The following GABBR1 variants were observed in gnomAD, a reference collection of about 807,000 sequenced individuals.
GABBR1 encodes gamma-aminobutyric acid type B receptor subunit 1.
Under a neutral mutation model 117.7 loss-of-function variants are expected in GABBR1, and 35 were observed. The ratio of observed to expected loss-of-function variants is 0.30; its 90% CI spans 0.23 to 0.39. The LOEUF is 0.39. Ranked by LOEUF, GABBR1 falls within the 10% of genes least tolerant of loss-of-function variation. The probability of loss-of-function intolerance (pLI) is 1.00; values close to 1 mark genes in which losing one functional copy is unlikely to be tolerated. For synonymous variants in GABBR1, 442 were observed against 486.6 expected (o/e 0.91, Z 1.21); for missense variants, 709 against 1,241.8 (o/e 0.57, Z 6.45).
chr6:29,605,861 T>C lies in GABBR1; in HGVS notation c.2312-165A>G, dbSNP rs1761897550. 5 of 738,516 alleles carry C rather than the reference T, an allele frequency of 6.8e-6. No homozygotes were observed. Among genetic ancestry groups the C allele is most frequent in the South Asian group, 3.7e-5 (2 of 53,618 alleles). 45.7% of individuals were successfully genotyped at this position (738,516 alleles called of 1,614,324 possible). ...ACCTCACCCTGTGTCCCCTATCCCT[T>C]ATGTCCACCCAACTTGCCCAGACCA... On this transcript the variant is annotated intron_variant, in intron 19 of 22. Transcript: ENST00000377034. The surrounding 1 kb of genome is among the most constrained non-coding windows in gnomAD (Gnocchi z 4.2).
chr6:29,623,306 G>A lies in GABBR1; in HGVS notation c.962C>T (p.Ser321Leu). The A allele has an allele frequency of 6.2e-7, 1 of 1,612,456 alleles. No homozygotes were observed. Residue 321 changes from serine (S) to leucine (L), a missense_variant and splice_region_variant, in exon 8 of 23, where the codon TCG becomes TTG. Physicochemically the swap from Ser to Leu is moderately radical, Grantham distance 145 (BLOSUM62 -2). This residue lies in a region of GABBR1 where 192 missense variants were observed against 418.4 expected (regional missense o/e 0.46). Coordinates refer to ENST00000377034, the MANE Select transcript of GABBR1 (RefSeq NM_001470.4). The surrounding 1 kb of genome is among the most constrained non-coding windows in gnomAD (Gnocchi z 6.2). ...TIQQTTEVFT[S>L]TLDDLEERVK... ...ACCCCTTGCCCAACCCCTCCTCACCGAAGTGAAGACCTCAGTGGTCTGCTG... is the reference window on the plus strand; with the variant it reads ...ACCCCTTGCCCAACCCCTCCTCACCAAAGTGAAGACCTCAGTGGTCTGCTG...
chr6:29,602,921 G>A lies in GABBR1; in HGVS notation c.*622C>T, dbSNP rs1367429237. On this transcript the variant is annotated 3_prime_UTR_variant, in exon 23 of 23. Transcript: ENST00000377034. ...GCGTGTGTACACATGAGCATGTTCA[G>A]TGGGCACACGCAGGAGAGGGGAGGA... The A allele has an allele frequency of 4.5e-6, 2 of 440,234 alleles. No individual in the cohort carries two copies. The highest frequency in any genetic ancestry group is 9.1e-6 in the Non-Finnish European group (2 of 219,926). 27.3% of individuals were successfully genotyped at this position (440,234 alleles called of 1,614,324 possible).
Position 29,606,894 on chromosome 6 carries a change from T to TAC in GABBR1, c.2217+1_2217+2dup, listed in dbSNP as rs1328340807. 1 of 1,612,130 alleles carries TAC rather than the reference T, an allele frequency of 6.2e-7. No individual in the cohort carries two copies. The highest frequency in any genetic ancestry group is 8.5e-7 in the Non-Finnish European group (1 of 1,178,178). On this transcript the variant is annotated splice_region_variant and intron_variant, in intron 18 of 22. Transcript: ENST00000377034. This position sits in a 1 kb window ranked among gnomAD's most constrained non-coding sequence, Gnocchi z 4.5. ...GACCATAGCACCTCCTCTCCAGTGGTACCTCAATGGTCCGGTGCAGAGGGT... is the reference window on the plus strand; with the variant it reads ...GACCATAGCACCTCCTCTCCAGTGGTACACCTCAATGGTCCGGTGCAGAGGGT...
chr6:29,603,202 T>C lies in GABBR1; in HGVS notation c.*341A>G. 1.9e-6 allele frequency: 1 copy of C among 514,386 alleles called. No individual in the cohort carries two copies. The highest frequency in any genetic ancestry group is 3.8e-6 in the Non-Finnish European group (1 of 264,228). The allele number at this position is 514,386 out of a possible 1,614,324, so 31.9% of individuals were successfully genotyped here. On this transcript the variant is annotated 3_prime_UTR_variant, in exon 23 of 23. Coordinates refer to ENST00000377034, the MANE Select transcript of GABBR1 (RefSeq NM_001470.4). Reference sequence around the variant, plus strand: ...GGCAGAGGAGCTGCAGGGGTTGCCGTGGTAACTAGAAGAGGGTGTTGCATG... The same window carrying C: ...GGCAGAGGAGCTGCAGGGGTTGCCGCGGTAACTAGAAGAGGGTGTTGCATG...
At chr6:29,608,878 A>G in intron 15 of GABBR1, 145 bp from the exon 16 acceptor site, 1 of 913,234 alleles carries the variant, frequency 1.1e-6, no homozygotes, top group South Asian at 1.7e-5. Flanking sequence ...AAGACAGTGG[A>G]GCCTTGAGAG....
intron 4 of GABBR1, 148 bp from the exon 5 acceptor site, chr6:29,629,255 T>C (rs1052591644): frequency 1.2e-6 from 1 of 861,336 alleles, no homozygotes; most frequent in African/African-American, 1.7e-5. Context: ...TGCCTGGGGA[T>C]AAGAACAAGG....
rs28359963 is a variant in GABBR1, at chr6:29,606,699, T to C, written c.2217+198A>G. The C allele has an allele frequency of 0.18, 114,215 of 630,332 alleles. 11,625 individuals carry two copies. Among genetic ancestry groups the C allele is most frequent in the Middle Eastern group, 0.34 (914 of 2,692 alleles). 39.0% of individuals were successfully genotyped at this position (630,332 alleles called of 1,614,324 possible). A position where few individuals can be genotyped will look rare whatever the true frequency, so the allele number is the denominator to read the frequency against. On this transcript the variant is annotated intron_variant, in intron 18 of 22. Transcript: ENST00000377034. This position sits in a 1 kb window ranked among gnomAD's most constrained non-coding sequence, Gnocchi z 4.5. ...GAAGTTCTACACACCCTTCCCAGAT[T>C]CCCACCCCTTCCTTTCTTCAGCTGA...
Position 29,627,956 on chromosome 6 carries a change from G to C in GABBR1, c.497-310C>G. The C allele has an allele frequency of 7.4e-7, 1 of 1,349,374 alleles. No homozygotes were observed. Among genetic ancestry groups the C allele is most frequent in the Non-Finnish European group, 9.4e-7 (1 of 1,059,892 alleles). 83.6% of individuals were successfully genotyped at this position (1,349,374 alleles called of 1,614,324 possible). On this transcript the variant is annotated intron_variant, in intron 5 of 22. Transcript: ENST00000377034. The surrounding 1 kb of genome is among the most constrained non-coding windows in gnomAD (Gnocchi z 4.4). ...GAAGCAGGGAAGGTTGGCTTCCTAC[G>C]GCCCCCGCGGCTCTCGCCACCGTCG... is the stretch of plus-strand genomic sequence containing the variant.
Position 29,623,920 on chromosome 6 carries a change from A to G in GABBR1, c.762T>C (p.Ala254=). 6.2e-7 allele frequency: 1 copy of G among 1,613,010 alleles called. No homozygotes were observed. Among genetic ancestry groups the G allele is most frequent in the Non-Finnish European group, 8.5e-7 (1 of 1,179,978 alleles). ...PGCSSVSTLV[A]EAARMWNLIV... is the part of the protein sequence containing the mutation. ...TGAGGTTCCACATCCTAGCAGCCTC[A>G]GCCACCAGCGTGGAGACAGAGCTGC... The change falls in exon 7 of 23, where the codon GCT becomes GCC. Residue 254 remains alanine, a synonymous_variant. Transcript: ENST00000377034. The surrounding 1 kb of genome is among the most constrained non-coding windows in gnomAD (Gnocchi z 6.2).
At position 29,622,421 on chromosome 6, in the gene GABBR1, C is replaced by G; in HGVS notation, c.964-216G>C. The G allele has an allele frequency of 1.7e-6, 1 of 572,778 alleles. No individual in the cohort carries two copies. Among genetic ancestry groups the G allele is most frequent in the Non-Finnish European group, 3.1e-6 (1 of 320,882 alleles). The allele number at this position is 572,778 out of a possible 1,614,324, so 35.5% of individuals were successfully genotyped here. A position where few individuals can be genotyped will look rare whatever the true frequency, so the allele number is the denominator to read the frequency against. Reference sequence around the variant, plus strand: ...TCCAAGTGGGAAGGTGAATGGTGAGCCCCTGCTGAGGCTCTGTGTGGGGGA... The same window carrying G: ...TCCAAGTGGGAAGGTGAATGGTGAGGCCCTGCTGAGGCTCTGTGTGGGGGA... On this transcript the variant is annotated intron_variant, in intron 8 of 22. Coordinates refer to ENST00000377034, the MANE Select transcript of GABBR1 (RefSeq NM_001470.4). The surrounding 1 kb of genome is among the most constrained non-coding windows in gnomAD (Gnocchi z 4.6).
intron 14 of GABBR1, among the ~76,000 whole-genome samples, 158 bp downstream of exon 14, chr6:29,610,766 G>A (rs1203122455): frequency 6.6e-6 from 1 of 152,038 alleles, no homozygotes; most frequent in Non-Finnish European, 1.5e-5. Context: ...CCACGCCTTA[G>A]GGGTTGTATT....
In GABBR1 at chr6:29,602,730, C is replaced by T. The variant is rs939207585; in HGVS notation, c.*813G>A. On this transcript the variant is annotated 3_prime_UTR_variant, in exon 23 of 23. Transcript: ENST00000377034. The stretch of plus-strand genomic sequence containing the variant: ...GGGAAAGTACATGGATAAACATGGA[C>T]GTGTGCAAATAGGAAAGACATGACT... The T allele has an allele frequency of 6.5e-5, 22 of 338,958 alleles. No homozygotes were observed. Among genetic ancestry groups the T allele is most frequent in the African/African-American group, 4.5e-4 (21 of 46,496 alleles). 21.0% of individuals were successfully genotyped at this position (338,958 alleles called of 1,614,324 possible).
chr6:29,603,147 G>A lies in GABBR1; in HGVS notation c.*396C>T, dbSNP rs756924325. ...GGGGTGGAAAGAGCACTTGTTGGGA[G>A]ACCCCTGCTGGACAGGAACAGAGCA... On this transcript the variant is annotated 3_prime_UTR_variant, in exon 23 of 23. Transcript: ENST00000377034. 3.0e-5 allele frequency: 14 copies of A among 472,044 alleles called. No individual in the cohort carries two copies. Among genetic ancestry groups the A allele is most frequent in the South Asian group, 2.2e-4 (14 of 64,698 alleles). 29.2% of individuals were successfully genotyped at this position (472,044 alleles called of 1,614,324 possible).
chr6:29,609,426 G>C lies in GABBR1; in HGVS notation c.1709-47C>G. 2 of 1,543,416 alleles carry C rather than the reference G, an allele frequency of 1.3e-6. No individual in the cohort carries two copies. Among genetic ancestry groups the C allele is most frequent in the Non-Finnish European group, 1.8e-6 (2 of 1,119,364 alleles). ...GAGGGGAAGGGAAAAGAGAAGGGAA[G>C]GAGGACAAAGGAATGAAGACGGGAT... On this transcript the variant is annotated intron_variant, in intron 14 of 22. Transcript: ENST00000377034. The surrounding 1 kb of genome is among the most constrained non-coding windows in gnomAD (Gnocchi z 4.3).
At chr6:29,608,356 C>T (rs1353519655) in intron 16 of GABBR1, 2 of 453,118 alleles carry the variant, frequency 4.4e-6, no homozygotes, top group African/African-American at 4.0e-5. Context: ...CTCCTCTTCT[C>T]TGCAAGGCCT....
At position 29,633,172 on chromosome 6, in the gene GABBR1, G is replaced by C. The variant is rs1186628879; in HGVS notation, c.-323C>G. ...GGAGGGTGCAAGGGAAGGCAGGGCGGGGGGAAGAGAGGGGAAGACCGGGGA... is the reference window on the plus strand; with the variant it reads ...GGAGGGTGCAAGGGAAGGCAGGGCGCGGGGAAGAGAGGGGAAGACCGGGGA... On this transcript the variant is annotated 5_prime_UTR_variant, in exon 1 of 23. Transcript: ENST00000377034. This position sits in a 1 kb window ranked among gnomAD's most constrained non-coding sequence, Gnocchi z 4.4. 6.6e-6 allele frequency: 1 copy of C among 152,530 alleles called. No homozygotes were observed. The highest frequency in any genetic ancestry group is 1.5e-5 in the Non-Finnish European group (1 of 68,284). 9.4% of individuals were successfully genotyped at this position (152,530 alleles called of 1,614,324 possible).
In GABBR1 at chr6:29,604,391, G is replaced by T; in HGVS notation, c.2712+103C>A. On this transcript the variant is annotated intron_variant, in intron 22 of 22. Coordinates refer to ENST00000377034, the MANE Select transcript of GABBR1 (RefSeq NM_001470.4). The surrounding 1 kb of genome is among the most constrained non-coding windows in gnomAD (Gnocchi z 5.3). ...CTAGGACCCTCCCTCCATGAGCCAAGAACATCTGACCCTGTATCTCAGGCT... is the reference window on the plus strand; with the variant it reads ...CTAGGACCCTCCCTCCATGAGCCAATAACATCTGACCCTGTATCTCAGGCT... The T allele has an allele frequency of 6.9e-7, 1 of 1,450,872 alleles. No homozygotes were observed. The highest frequency in any genetic ancestry group is 9.6e-7 in the Non-Finnish European group (1 of 1,039,960). The allele number at this position is 1,450,872 out of a possible 1,614,324, so 89.9% of individuals were successfully genotyped here.
rs924425101 is a variant in GABBR1, at chr6:29,622,020, C to T, written c.1065+84G>A. On this transcript the variant is annotated intron_variant, in intron 9 of 22. Transcript: ENST00000377034. This position sits in a 1 kb window ranked among gnomAD's most constrained non-coding sequence, Gnocchi z 4.6. The stretch of plus-strand genomic sequence containing the variant: ...TGCCTCAGAGAATCAAAACCTGCCC[C>T]CGCCTGGCTTTCCTCTCCAACCAGT... 2.4e-6 allele frequency: 3 copies of T among 1,275,382 alleles called. No individual in the cohort carries two copies. Among genetic ancestry groups the T allele is most frequent in the Non-Finnish European group, 2.3e-6 (2 of 881,040 alleles). 79.0% of individuals were successfully genotyped at this position (1,275,382 alleles called of 1,614,324 possible). A position where few individuals can be genotyped will look rare whatever the true frequency, so the allele number is the denominator to read the frequency against.
In GABBR1 at chr6:29,607,790, G is replaced by A. The variant is rs740881; in HGVS notation, c.1993-572C>T. 0.098 allele frequency among the ~76,000 whole-genome samples: 14,898 copies of A among 152,208 alleles called. 856 individuals are homozygous for A. The highest frequency in any genetic ancestry group is 0.21 in the Middle Eastern group (62 of 294). On this transcript the variant is annotated intron_variant, in intron 16 of 22. Coordinates refer to ENST00000377034, the MANE Select transcript of GABBR1 (RefSeq NM_001470.4). The surrounding 1 kb of genome is among the most constrained non-coding windows in gnomAD (Gnocchi z 5.0). ...TCTTCAGTGAGGTCCACCCAATCACGCCAGCAGTGAACTGTGTTCCCTTCT... is the reference window on the plus strand; with the variant it reads ...TCTTCAGTGAGGTCCACCCAATCACACCAGCAGTGAACTGTGTTCCCTTCT...
Sources: gnomAD v4.1 joint callset for allele counts (sites outside exome capture counted in the v4.1 genomes callset) on GRCh38, gnomAD v4.1.1 for gene constraint, gnomAD v4.1.1 regional missense constraint, Gnocchi (gnomAD v3.1) non-coding constraint, MANE v1.5 for transcripts, NCBI Gene and HGNC (gene_info 2026-07-23, HGNC 2026-07-21) for gene names.